Variants in ATP6V0A2 observed in about 807,000 individuals in gnomAD.
ATP6V0A2 encodes the protein ATPase H+ transporting V0 subunit a2.
In ATP6V0A2, 58 loss-of-function variants were observed where a neutral mutation model predicts 104.4. The ratio of observed to expected loss-of-function variants is 0.56; its 90% CI spans 0.45 to 0.69. The LOEUF is 0.69. Ranked by LOEUF, ATP6V0A2 falls within the 30% of genes least tolerant of loss-of-function variation. The pLI, the probability that ATP6V0A2 is intolerant of heterozygous loss-of-function variation, is 0.00. For missense variants in ATP6V0A2, 938 were observed against 1,062.9 expected (o/e 0.88, Z 1.63); for synonymous variants, 376 against 397.9 (o/e 0.95, Z 0.65).
At chr12:123,729,868 G>A (rs1437466702) in intron 6 of ATP6V0A2, among the ~76,000 whole-genome samples, 6 of 151,938 alleles carry the variant, frequency 3.9e-5, no homozygotes, top group African/African-American at 1.5e-4. Flanking sequence ...AGGCTGGAGT[G>A]CAGTGGCATG....
intron 18 of ATP6V0A2, 127 bp downstream of exon 18, chr12:123,754,664 T>TA: frequency 1.4e-6 from 1 of 725,044 alleles, no homozygotes. Context: ...CACGTGAACT[T>TA]ACACTATTCA....
chr12:123,724,889 T>C, intron 4 of ATP6V0A2, 98 bp downstream of exon 4: 1 of 931,232 alleles, frequency 1.1e-6, no homozygotes, highest in Non-Finnish European at 1.7e-6. Context: ...TTAGTTCATA[T>C]AGATATGTTG....
In ATP6V0A2 at chr12:123,759,630, C is replaced by T. The variant is rs1419120670; in HGVS notation, c.*1598C>T. On this transcript the variant is annotated 3_prime_UTR_variant, in exon 20 of 20. Coordinates refer to ENST00000330342, the MANE Select transcript of ATP6V0A2 (RefSeq NM_012463.4). ...TGATACACGTTAAAAGGCTATTTGC[C>T]CGCATCCTCCTCTATCCTGTTTCGA... is the stretch of plus-strand genomic sequence containing the variant. 1 of 152,136 alleles carries T rather than the reference C, an allele frequency of 6.6e-6. No individual in the cohort carries two copies. Among genetic ancestry groups the T allele is most frequent in the Non-Finnish European group, 1.5e-5 (1 of 68,048 alleles). 9.4% of individuals were successfully genotyped at this position (152,136 alleles called of 1,614,324 possible).
rs1376338982 is a variant in ATP6V0A2 at position 123,724,640 on chromosome 12, T to C, written c.295-14T>C. 2 of 1,613,064 alleles carry C rather than the reference T, an allele frequency of 1.2e-6. No homozygotes were observed. The highest frequency in any genetic ancestry group is 1.7e-6 in the Non-Finnish European group (2 of 1,179,368). On this transcript the variant is annotated splice_polypyrimidine_tract_variant and intron_variant, in intron 3 of 19. Coordinates refer to ENST00000330342, the MANE Select transcript of ATP6V0A2 (RefSeq NM_012463.4). ...TAATTACTACCCTCTTAAGTAACCA[T>C]TGTTTTGTTTTAGGAGCAGTTGCAG...
chr12:123,727,992 T>C, intron 6 of ATP6V0A2, 83 bp downstream of exon 6: 2 of 1,562,790 alleles, frequency 1.3e-6, no homozygotes, highest in South Asian at 2.3e-5. Flanking sequence ...GTTTTTCTCC[T>C]GAACCATTTG....
In ATP6V0A2 at chr12:123,722,352, G is replaced by A; in HGVS notation, c.198G>A (p.Val66=). The A allele has an allele frequency of 1.3e-6, 2 of 1,578,952 alleles. No individual in the cohort carries two copies. The highest frequency in any genetic ancestry group is 1.7e-6 in the Non-Finnish European group (2 of 1,147,848). Residue 66 remains valine, a splice_region_variant and synonymous_variant, in exon 3 of 20, where the codon GTG becomes GTA. Coordinates refer to ENST00000330342, the MANE Select transcript of ATP6V0A2 (RefSeq NM_012463.4). ...ATTGTTTAACTTTTATTTTCACAGTGTATTTGGTACAGGAAATTAATAGAG... is the reference window on the plus strand; with the variant it reads ...ATTGTTTAACTTTTATTTTCACAGTATATTTGGTACAGGAAATTAATAGAG... The part of the protein sequence containing the change: ...KRCEELERIL[V]YLVQEINRAD...
At chr12:123,728,043 G>A (rs974605612) in intron 6 of ATP6V0A2, 134 bp downstream of exon 6, 18 of 1,123,306 alleles carry the variant, frequency 1.6e-5, no homozygotes, top group East Asian at 2.5e-5. Flanking sequence ...CTTCAACCAC[G>A]TGTAGTGTGT....
chr12:123,735,169 GTGTGTGTCTGT>G (rs1178517547), intron 7 of ATP6V0A2, among the ~76,000 whole-genome samples: 5 of 145,714 alleles, frequency 3.4e-5, no homozygotes, highest in African/African-American at 1.3e-4. Context: ...GTGTGTGTCT[GTGTGTGTCTGT>G]TGTGTGTCTG....
chr12:123,752,522 C>T, intron 17 of ATP6V0A2, 120 bp downstream of exon 17: 1 of 1,220,198 alleles, frequency 8.2e-7, no homozygotes, highest in Non-Finnish European at 1.2e-6. Context: ...GGACTTCCAG[C>T]CTCCACAACT....
chr12:123,756,864 T>C lies in ATP6V0A2; in HGVS notation c.2343T>C (p.Val781=). ...WAMLMRVGLR[V]DTTYGVLLLL... is the part of the protein sequence containing the mutation. ...TGCTGATGCGCGTGGGCCTCCGCGT[T>C]GACACCACCTATGGCGTCTTGCTAC... The change falls in exon 19 of 20, where the codon GTT becomes GTC. Residue 781 remains valine, a synonymous_variant. Coordinates refer to ENST00000330342, the MANE Select transcript of ATP6V0A2 (RefSeq NM_012463.4). The C allele has an allele frequency of 6.2e-7, 1 of 1,614,252 alleles. No individual in the cohort carries two copies. The highest frequency in any genetic ancestry group is 8.5e-7 in the Non-Finnish European group (1 of 1,180,048).
At position 123,712,550 on chromosome 12, in the gene ATP6V0A2, CG is replaced by C. The variant is rs1956302574; in HGVS notation, c.-15del. 6.4e-7 allele frequency: 1 copy of C among 1,560,424 alleles called. No homozygotes were observed. Among genetic ancestry groups the C allele is most frequent in the Non-Finnish European group, 8.6e-7 (1 of 1,156,646 alleles). ...CCGCCGCCCATCGAGCCCCTCCGGG[CG>C]CGGGTCGGCCCGCCATGGGGTCCCT... On this transcript the variant is annotated 5_prime_UTR_variant, in exon 1 of 20. Transcript: ENST00000330342.
At chr12:123,753,415 A>T (rs1410992450) in intron 17 of ATP6V0A2, among the ~76,000 whole-genome samples, 2 of 152,240 alleles carry the variant, frequency 1.3e-5, no homozygotes, top group African/African-American at 4.8e-5. Context: ...GCCCGGACTG[A>T]GATGCTGGCA....
intron 3 of ATP6V0A2, chr12:123,724,285 AG>A (rs1486398893): frequency 5.1e-6 from 1 of 194,264 alleles, no homozygotes; most frequent in African/African-American, 2.4e-5. Context: ...AGAGACAGGG[AG>A]GCCGAGGCGG....
chr12:123,754,858 C>T, intron 18 of ATP6V0A2: 1 of 387,148 alleles, frequency 2.6e-6, no homozygotes, highest in South Asian at 3.3e-5. Flanking sequence ...TAAGCACTTG[C>T]TACTGTTGCC....
intron 6 of ATP6V0A2, chr12:123,733,660 C>T (rs923969433): frequency 1.7e-5 from 8 of 475,724 alleles, no homozygotes; most frequent in Admixed American, 3.5e-5. Context: ...GAAGGGAGAG[C>T]GTCACCTTGT....
At chr12:123,747,409 A>C (rs988541776) in intron 13 of ATP6V0A2, among the ~76,000 whole-genome samples, 198 bp from the exon 14 acceptor site, 2 of 152,146 alleles carry the variant, frequency 1.3e-5, no homozygotes, top group Admixed American at 6.5e-5. Flanking sequence ...AACACCGATA[A>C]AATTGTTTTG....
Position 123,756,080 on chromosome 12 carries a change from C to CA in ATP6V0A2, c.2294-716dup, listed in dbSNP as rs780283574. On this transcript the variant is annotated intron_variant, in intron 18 of 19. Coordinates refer to ENST00000330342, the MANE Select transcript of ATP6V0A2 (RefSeq NM_012463.4). ...TGGGCGACAGAGCGAGACTCTGTCT[C>CA]AAAAAAAAAAAAAAAAAAACCGAAA... is the stretch of plus-strand genomic sequence containing the variant. Among the ~76,000 whole-genome samples, 256 of 60,914 alleles carry CA rather than the reference C, an allele frequency of 4.2e-3. 6 individuals are homozygous for CA. Among genetic ancestry groups the CA allele is most frequent in the African/African-American group, 9.6e-3 (154 of 16,118 alleles). The allele number at this position is 60,914 out of a possible 152,430, so 40.0% of individuals were successfully genotyped here.
At position 123,744,734 on chromosome 12, in the gene ATP6V0A2, G is replaced by A. The variant is rs772243367; in HGVS notation, c.1464G>A (p.Met488Ile). The A allele has an allele frequency of 2.5e-6, 4 of 1,614,164 alleles. No individual in the cohort carries two copies. In the Admixed American group the frequency reaches 5.0e-5, roughly 20 times the overall value. Residue 488 changes from methionine (M) to isoleucine (I), a missense_variant, in exon 12 of 20, where the codon ATG becomes ATA. Physicochemically the swap from Met to Ile is conservative, Grantham distance 10. Coordinates refer to ENST00000330342, the MANE Select transcript of ATP6V0A2 (RefSeq NM_012463.4). This position sits in a 1 kb window ranked among gnomAD's most constrained non-coding sequence, Gnocchi z 5.4. ...GCTCTGGGTGGAACGTGTCGGCCAT[G>A]TACAGCTCCAGCCACCCACCCGCAG... ...LFGSGWNVSA[M>I]YSSSHPPAEH...
At chr12:123,746,284 G>T (rs1956661292) in intron 13 of ATP6V0A2, among the ~76,000 whole-genome samples, 2 of 151,430 alleles carry the variant, frequency 1.3e-5, no homozygotes, top group Admixed American at 1.3e-4. Context: ...ACATTAATTT[G>T]GTTCAAAAGT....
Sources: gnomAD v4.1 joint callset for allele counts (sites outside exome capture counted in the v4.1 genomes callset) on GRCh38, gnomAD v4.1.1 for gene constraint, Gnocchi (gnomAD v3.1) non-coding constraint, MANE v1.5 for transcripts, NCBI Gene and HGNC (gene_info 2026-07-23, HGNC 2026-07-21) for gene names.